The following GGT7 variants were observed in gnomAD, a reference collection of about 807,000 sequenced individuals.
GGT7 encodes the protein glutathione hydrolase 7.
In GGT7, 30 loss-of-function variants were observed where a neutral mutation model predicts 69.2. That is an observed-to-expected ratio of 0.43 (90% CI 0.32 to 0.59). The LOEUF (loss-of-function observed/expected upper bound fraction) is 0.59. Ranked by LOEUF, GGT7 falls within the 20% of genes least tolerant of loss-of-function variation. GGT7 has a pLI of 0.05. For synonymous variants in GGT7, 388 were observed against 391.8 expected (o/e 0.99, Z 0.12); for missense variants, 733 against 901.1 (o/e 0.81, Z 2.39).
chr20:34,849,831 A>G lies in GGT7; in HGVS notation c.1825+130T>C, dbSNP rs116708022. ...AATCCCCAGATCGTTCACTGCTCCA[A>G]TAGAAATTTGCCAAATAAAACCAAA... On this transcript the variant is annotated intron_variant, in intron 14 of 14. Transcript: ENST00000336431. The G allele has an allele frequency of 2.3e-4, 137 of 586,456 alleles. 3 individuals carry two copies. The highest frequency in any genetic ancestry group is 2.1e-3 in the African/African-American group (110 of 53,380). The allele number at this position is 586,456 out of a possible 1,614,324, so 36.3% of individuals were successfully genotyped here.
Position 34,862,825 on chromosome 20 carries a change from A to G in GGT7, c.546T>C (p.Ser182=), listed in dbSNP as rs1436740841. The G allele has an allele frequency of 6.2e-7, 1 of 1,613,952 alleles. No individual in the cohort carries two copies. The highest frequency in any genetic ancestry group is 1.3e-5 in the African/African-American group (1 of 74,896). Residue 182 remains serine (S), a synonymous_variant, in exon 3 of 15, where the codon TCT becomes TCC. Coordinates refer to ENST00000336431, the MANE Select transcript of GGT7 (RefSeq NM_178026.3). ...CCACTGCTCCTTACCCGCCCAGGCC[A>G]GAACTGTGTGGAGCCACGATACCCA... ...LCLGIVAPHS[S]GLGGGGVMLV... is the part of the protein sequence containing the mutation.
chr20:34,854,074 C>T (rs1042832752), intron 10 of GGT7, among the ~76,000 whole-genome samples: 2 of 152,118 alleles, frequency 1.3e-5, no homozygotes, highest in South Asian at 2.1e-4. Context: ...CTAGCTGGGA[C>T]TACAGGCACG....
chr20:34,871,404 T>C (rs1412754989), intron 1 of GGT7, among the ~76,000 whole-genome samples: 1 of 152,214 alleles, frequency 6.6e-6, no homozygotes, highest in African/African-American at 2.4e-5. Flanking sequence ...AGCTTCAGGC[T>C]GATATCCATC....
At chr20:34,868,178 T>C (rs574709942) in intron 1 of GGT7, among the ~76,000 whole-genome samples, 9 of 152,220 alleles carry the variant, frequency 5.9e-5, no homozygotes, top group Non-Finnish European at 1.3e-4. Flanking sequence ...AGGTATGGTT[T>C]AATTTGTTTT....
rs192481357 is a variant in GGT7 at position 34,852,685 on chromosome 20, T to C, written c.1320-147A>G. ...GTCTATGAGTGCAGAAGCTCATTAATTGCACATAAGAAATACCCAGAAAAT... is the reference window on the plus strand; with the variant it reads ...GTCTATGAGTGCAGAAGCTCATTAACTGCACATAAGAAATACCCAGAAAAT... On this transcript the variant is annotated intron_variant, in intron 10 of 14. Transcript: ENST00000336431. 22 of 644,162 alleles carry C rather than the reference T, an allele frequency of 3.4e-5. No individual in the cohort carries two copies. In the Admixed American group the frequency reaches 6.8e-4, roughly 20 times the overall value. 39.9% of individuals were successfully genotyped at this position (644,162 alleles called of 1,614,324 possible). A position where few individuals can be genotyped will look rare whatever the true frequency, so the allele number is the denominator to read the frequency against.
At position 34,849,992 on chromosome 20, in the gene GGT7, C is replaced by T. The variant is rs375464567; in HGVS notation, c.1794G>A (p.Pro598=). The T allele has an allele frequency of 4.3e-5, 69 of 1,613,242 alleles. No individual in the cohort carries two copies. Among genetic ancestry groups the T allele is most frequent in the Admixed American group, 3.0e-4 (18 of 59,998 alleles). Residue 598 remains proline, a synonymous_variant, in exon 14 of 15, where the codon CCG becomes CCA. Transcript: ENST00000336431. The part of the protein sequence containing the change: ...SDSLARGRLH[P]DLQSNLLQVD... ...CCTGCAGGAGGTTGGACTGCAGGTC[C>T]GGGTGTAGGCGGCCGCGGGCCAGGC... is the stretch of plus-strand genomic sequence containing the variant.
At chr20:34,856,454 T>C (rs1425561833) in intron 8 of GGT7, among the ~76,000 whole-genome samples, 1 of 152,196 alleles carries the variant, frequency 6.6e-6, no homozygotes. Flanking sequence ...GGATGGACTT[T>C]GTCTTAAAAA....
At chr20:34,859,728 G>T in intron 6 of GGT7, 89 bp from the exon 7 acceptor site, 1 of 1,124,102 alleles carries the variant, frequency 8.9e-7, no homozygotes, top group Non-Finnish European at 1.3e-6. Flanking sequence ...TGGGGGCTGA[G>T]TGGCCCACCC....
chr20:34,872,316 A>G (rs2079793186), intron 1 of GGT7: 2 of 203,164 alleles, frequency 9.8e-6, no homozygotes, highest in Admixed American at 6.0e-5. Context: ...CTCTGTGGCT[A>G]GAGAAAGCCC....
rs767623406 is a variant in GGT7 at position 34,859,450 on chromosome 20, A to G, written c.1007T>C (p.Val336Ala). The change falls in exon 7 of 15, where the codon GTG becomes GCG. Residue 336 changes from valine to alanine, a missense_variant. Coordinates refer to ENST00000336431, the MANE Select transcript of GGT7 (RefSeq NM_178026.3). ...CACAACACGAGCACTTACCTCGGCCACCATCTCCAGTGTGAGGTTGCCACC... is the reference window on the plus strand; with the variant it reads ...CACAACACGAGCACTTACCTCGGCCGCCATCTCCAGTGTGAGGTTGCCACC... ...YAGGNLTLEM[V>A]AEAQHAGGVI... 14 of 1,582,470 alleles carry G rather than the reference A, an allele frequency of 8.8e-6. 1 individual carries two copies. The South Asian group carries it at 1.5e-4, about 17-fold the overall frequency.
intron 10 of GGT7, 138 bp from the exon 11 acceptor site, chr20:34,852,676 G>A (rs1299250675): frequency 1.5e-5 from 10 of 677,110 alleles, no homozygotes; most frequent in Non-Finnish European, 2.1e-5. Flanking sequence ...GAGTGCAGAA[G>A]CTCATTAATT....
rs1280778403 is a variant in GGT7, at chr20:34,854,865, G to C, written c.1161C>G (p.Leu387=). ...TGAGATTGAAGCCCTCCAGGATGTTGAGAGCACTGATGAGGGCAGGGCCCG... is the reference window on the plus strand; with the variant it reads ...TGAGATTGAAGCCCTCCAGGATGTTCAGAGCACTGATGAGGGCAGGGCCCG... ...PHTGPALISA[L]NILEGFNLTS... Residue 387 remains leucine, a synonymous_variant, in exon 9 of 15, where the codon CTC becomes CTG. Coordinates refer to ENST00000336431, the MANE Select transcript of GGT7 (RefSeq NM_178026.3). 1 of 1,613,986 alleles carries C rather than the reference G, an allele frequency of 6.2e-7. No homozygotes were observed. Among genetic ancestry groups the C allele is most frequent in the Admixed American group, 1.7e-5 (1 of 60,038 alleles).
At chr20:34,854,424 T>C (rs2079452648) in intron 10 of GGT7, 107 bp downstream of exon 10, 1 of 661,544 alleles carries the variant, frequency 1.5e-6, no homozygotes, top group Admixed American at 2.6e-5. Context: ...GAGCTGAAAT[T>C]GACTTAGGAT....
intron 4 of GGT7, among the ~76,000 whole-genome samples, chr20:34,860,903 G>A (rs1252909566): frequency 6.6e-6 from 1 of 152,122 alleles, no homozygotes; most frequent in African/African-American, 2.4e-5. Context: ...CTGTGCCCAG[G>A]CAACCCTACC....
rs747530699 is a variant in GGT7, at chr20:34,852,237, G to A, written c.1505C>T (p.Thr502Ile). 1 of 1,614,018 alleles carries A rather than the reference G, an allele frequency of 6.2e-7. No homozygotes were observed. The highest frequency in any genetic ancestry group is 1.7e-5 in the Admixed American group (1 of 60,038). ...LNQPFGSGLI[T>I]PSGILLNSQM... The stretch of plus-strand genomic sequence containing the variant: ...GCTGTTGAGCAGGATCCCCGAGGGG[G>A]TGATAAGGCCGCTGCCAAAGGGCTG... The change falls in exon 12 of 15, where the codon ACC becomes ATC. Residue 502 changes from threonine (T) to isoleucine (I), a missense_variant. Thr to Ile is a moderately conservative substitution (Grantham distance 89, BLOSUM62 -1). Coordinates refer to ENST00000336431, the MANE Select transcript of GGT7 (RefSeq NM_178026.3).
Position 34,863,491 on chromosome 20 carries a change from T to G in GGT7, c.227A>C (p.Glu76Ala), listed in dbSNP as rs760040471. Residue 76 changes from glutamate (E) to alanine (A), a missense_variant, in exon 2 of 15, where the codon GAG becomes GCG. Coordinates refer to ENST00000336431, the MANE Select transcript of GGT7 (RefSeq NM_178026.3). The surrounding 1 kb of genome is among the most constrained non-coding windows in gnomAD (Gnocchi z 4.4). ...CGGCGACCCGTCTTGGCTGCCCATC[T>G]CCGACGACGACGATGGCAGCCGCTG... ...RLQRLPSSSS[E>A]MGSQDGSPLR... The G allele has an allele frequency of 1.9e-6, 3 of 1,605,188 alleles. No homozygotes were observed. The South Asian group carries it at 3.3e-5, about 18-fold the overall frequency.
chr20:34,866,622 C>T (rs1341015901), intron 1 of GGT7, among the ~76,000 whole-genome samples: 1 of 151,618 alleles, frequency 6.6e-6, no homozygotes, highest in East Asian at 1.9e-4. Context: ...CTCTGTCGCC[C>T]AGGCTGGAGT....
chr20:34,850,722 G>C, intron 13 of GGT7: 1 of 399,768 alleles, frequency 2.5e-6, no homozygotes, highest in Non-Finnish European at 5.1e-6. Context: ...TTACAAATTG[G>C]TAGCACTTGG....
intron 8 of GGT7, among the ~76,000 whole-genome samples, chr20:34,855,285 T>G (rs2079471942): frequency 6.6e-6 from 1 of 152,164 alleles, no homozygotes; most frequent in Admixed American, 6.5e-5. Context: ...CTTTTAGCTC[T>G]CCCATAGGCC....
Sources: allele counts gnomAD v4.1 joint callset (sites outside exome capture counted in the v4.1 genomes callset), GRCh38; gene constraint gnomAD v4.1.1; non-coding constraint Gnocchi (gnomAD v3.1); transcripts MANE v1.5; gene names NCBI Gene and HGNC (gene_info 2026-07-23, HGNC 2026-07-21).